Variants in CCL28 observed in about 807,000 individuals in gnomAD.
CCL28 encodes the protein C-C motif chemokine 28.
Under a neutral mutation model 7.1 loss-of-function variants are expected in CCL28, and 4 were observed. That is an observed-to-expected ratio of 0.56 (90% CI 0.28 to 1.29). The LOEUF is 1.29. CCL28 is among the 50% of genes most tolerant of loss of function. CCL28 has a pLI of 0.11. For synonymous variants in CCL28, 55 were observed against 57.8 expected (o/e 0.95, Z 0.22); for missense variants, 151 against 163.4 (o/e 0.92, Z 0.41).
At chr5:43,377,975 G>A (rs956672468), downstream of CCL28, among the ~76,000 whole-genome samples, 2 of 132,688 alleles carry the variant, frequency 1.5e-5, no homozygotes, top group South Asian at 2.3e-4. Flanking sequence ...CTCGTGATCC[G>A]CCCGCCTCGG....
chr5:43,407,130 G>A (rs2111902765), intron 1 of CCL28, among the ~76,000 whole-genome samples: 1 of 152,238 alleles, frequency 6.6e-6, no homozygotes, highest in South Asian at 2.1e-4. Context: ...TCACAGAATT[G>A]GAAAAATCTA....
intron 1 of CCL28, among the ~76,000 whole-genome samples, chr5:43,400,227 A>G (rs533510053): frequency 4.6e-5 from 7 of 152,142 alleles, no homozygotes; most frequent in Non-Finnish European, 1.0e-4. Flanking sequence ...TTTTCCAGGA[A>G]TGTGAGTCCC....
downstream of CCL28, among the ~76,000 whole-genome samples, chr5:43,373,741 C>T (rs1032106602): frequency 6.6e-6 from 1 of 152,294 alleles, no homozygotes; most frequent in African/African-American, 2.4e-5. Flanking sequence ...ACATTCTTTC[C>T]AAAACTGACT....
chr5:43,401,844 C>T (rs1054012884), intron 1 of CCL28, among the ~76,000 whole-genome samples: 4 of 152,122 alleles, frequency 2.6e-5, no homozygotes, highest in African/African-American at 9.7e-5. Context: ...AATATTTTTC[C>T]TTGGCTAGCT....
chr5:43,399,211 C>T (rs36063200), intron 1 of CCL28, among the ~76,000 whole-genome samples: 12,235 of 152,212 alleles, frequency 0.08, 936 homozygotes, highest in African/African-American at 0.2. Flanking sequence ...ATCTTCTGCA[C>T]TCCCATGGCC....
the CCL28 span, among the ~76,000 whole-genome samples, chr5:43,357,444 A>G: frequency 2.3e-3 from 343 of 152,312 alleles, no homozygotes; most frequent in African/African-American, 8.0e-3. Context: ...GACACCATTC[A>G]GGATAGTGAA....
At chr5:43,404,085 T>G (rs373161545) in intron 1 of CCL28, among the ~76,000 whole-genome samples, 11 of 152,166 alleles carry the variant, frequency 7.2e-5, no homozygotes, top group African/African-American at 1.4e-4. Context: ...AAAACACTCT[T>G]CAGGATATCA....
the CCL28 span, among the ~76,000 whole-genome samples, chr5:43,363,366 G>A: frequency 3.3e-5 from 5 of 151,816 alleles, no homozygotes; most frequent in Non-Finnish European, 7.4e-5. Flanking sequence ...CTGCCCTCAC[G>A]GGGCTTTTCT....
the CCL28 span, among the ~76,000 whole-genome samples, chr5:43,357,714 G>A: frequency 6.6e-6 from 1 of 152,060 alleles, no homozygotes; most frequent in African/African-American, 2.4e-5. Context: ...GGGAGTGTAG[G>A]CTACAACATT....
chr5:43,385,482 C>T (rs1186635589), intron 2 of CCL28, among the ~76,000 whole-genome samples: 1 of 152,194 alleles, frequency 6.6e-6, no homozygotes, highest in African/African-American at 2.4e-5. Context: ...TAAACACTTT[C>T]TCAAATCTTA....
chr5:43,382,512 G>A (rs376387377), intron 2 of CCL28, among the ~76,000 whole-genome samples: 5 of 152,260 alleles, frequency 3.3e-5, no homozygotes, highest in South Asian at 2.1e-4. Flanking sequence ...GCTAGATGCC[G>A]TCTTTTTTCC....
intron 1 of CCL28, among the ~76,000 whole-genome samples, chr5:43,402,396 G>A (rs964668652): frequency 2.0e-5 from 3 of 152,158 alleles, no homozygotes; most frequent in Non-Finnish European, 4.4e-5. Context: ...GTTCTGGGAA[G>A]TTTAAATGTT....
At chr5:43,402,709 G>C (rs1169791516) in intron 1 of CCL28, among the ~76,000 whole-genome samples, 1 of 152,204 alleles carries the variant, frequency 6.6e-6, no homozygotes, top group East Asian at 1.9e-4. Flanking sequence ...AAGCAGGGCA[G>C]GGCGTTGTCT....
At chr5:43,359,561 G>A in the CCL28 span, among the ~76,000 whole-genome samples, 1 of 152,224 alleles carries the variant, frequency 6.6e-6, no homozygotes, top group African/African-American at 2.4e-5. Flanking sequence ...TCATGAACAT[G>A]TCACAGTGCT....
the CCL28 span, among the ~76,000 whole-genome samples, chr5:43,358,181 T>C: frequency 6.6e-6 from 1 of 152,314 alleles, no homozygotes; most frequent in African/African-American, 2.4e-5. Context: ...ATTTAATAAG[T>C]GCTCAAGTGT....
chr5:43,389,483 A>C (rs79809823), intron 1 of CCL28, among the ~76,000 whole-genome samples: 192 of 152,340 alleles, frequency 1.3e-3, no homozygotes, highest in African/African-American at 4.2e-3. Context: ...TGAAGGTAGA[A>C]AGATGAAGCG....
At chr5:43,399,053 G>T (rs1234771208) in intron 1 of CCL28, among the ~76,000 whole-genome samples, 1 of 152,084 alleles carries the variant, frequency 6.6e-6, no homozygotes, top group Non-Finnish European at 1.5e-5. Context: ...GTATCCACCT[G>T]CCATTGAATA....
chr5:43,371,845 C>T (rs1274983222), downstream of CCL28, among the ~76,000 whole-genome samples: 1 of 152,160 alleles, frequency 6.6e-6, no homozygotes, highest in Non-Finnish European at 1.5e-5. Context: ...AAAGGAATAG[C>T]TGAGGCTGAG....
chr5:43,358,482 C>T, the CCL28 span, among the ~76,000 whole-genome samples: 1 of 152,184 alleles, frequency 6.6e-6, no homozygotes, highest in Admixed American at 6.6e-5. Context: ...TCTCTCTTCT[C>T]GTTTGTTGGA....
Sources: gnomAD v4.1 joint callset for allele counts (sites outside exome capture counted in the v4.1 genomes callset) on GRCh38, gnomAD v4.1.1 for gene constraint, MANE v1.5 for transcripts, NCBI Gene and HGNC (gene_info 2026-07-23, HGNC 2026-07-21) for gene names.